VTI1A: variants seen among roughly 807,000 people sequenced by gnomAD.
The protein encoded by VTI1A is vesicle transport through interaction with t-SNAREs homolog 1A.
VTI1A carries 22 observed loss-of-function variants against 34.9 expected under a neutral mutation model. That is an observed-to-expected ratio of 0.63 (90% CI 0.45 to 0.90). VTI1A has a LOEUF of 0.90. VTI1A is among the 40% of genes least tolerant of loss of function. VTI1A has a pLI of 0.00. For missense variants in VTI1A, 268 were observed against 275.6 expected, an observed-to-expected ratio of 0.97 and a Z score of 0.20; for synonymous variants, 87 against 97.3, an observed-to-expected ratio of 0.89 and a Z score of 0.62.
intron 1 of VTI1A, among the ~76,000 whole-genome samples, chr10:112,453,113 G>C (rs1243148345): frequency 1.3e-5 from 2 of 152,148 alleles, no homozygotes; most frequent in African/African-American, 4.8e-5. Context: ...GTACTGGTCA[G>C]ATATTTTCTA....
the VTI1A span, among the ~76,000 whole-genome samples, chr10:112,841,130 C>T: frequency 6.6e-6 from 1 of 152,128 alleles, no homozygotes; most frequent in Non-Finnish European, 1.5e-5. Context: ...CTGGAGTCCT[C>T]AGCGCACTAG....
At chr10:112,560,032 A>C (rs1170807185) in intron 5 of VTI1A, among the ~76,000 whole-genome samples, 1 of 152,206 alleles carries the variant, frequency 6.6e-6, no homozygotes, top group African/African-American at 2.4e-5. Context: ...TGTCACTTGT[A>C]GTTCTAACTG....
At chr10:112,611,749 T>G (rs578115569) in intron 5 of VTI1A, among the ~76,000 whole-genome samples, 1 of 143,068 alleles carries the variant, frequency 7.0e-6, no homozygotes, top group South Asian at 2.3e-4. Context: ...TTTTTTTTTT[T>G]TTTTTTTTTT....
At chr10:112,535,708 G>A (rs866911202) in intron 4 of VTI1A, among the ~76,000 whole-genome samples, 17 of 152,168 alleles carry the variant, frequency 1.1e-4, no homozygotes, top group South Asian at 2.1e-4. Context: ...CTTTGAAAAG[G>A]GCTGAGAAGA....
the VTI1A span, among the ~76,000 whole-genome samples, chr10:112,828,531 A>G: frequency 0.84 from 126,855 of 151,270 alleles, 53,557 homozygotes; most frequent in African/African-American, 0.94. Context: ...TCAGCCTCCC[A>G]AGTAGCTGGG....
intron 7 of VTI1A, among the ~76,000 whole-genome samples, chr10:112,670,892 A>G (rs1386995320): frequency 2.0e-5 from 3 of 152,208 alleles, no homozygotes; most frequent in Admixed American, 2.0e-4. Context: ...ACCTGTTCAT[A>G]TGCATGACAA....
intron 3 of VTI1A, among the ~76,000 whole-genome samples, chr10:112,482,384 C>G (rs535975989): frequency 1.3e-5 from 2 of 152,152 alleles, no homozygotes; most frequent in South Asian, 4.1e-4. Flanking sequence ...TTCTATGTGT[C>G]TAGAAGTAGA....
At chr10:112,744,889 G>A (rs996222614) in intron 7 of VTI1A, among the ~76,000 whole-genome samples, 2 of 152,188 alleles carry the variant, frequency 1.3e-5, no homozygotes, top group African/African-American at 4.8e-5. Context: ...GAGATATCCA[G>A]GGGTAGAACA....
chr10:112,838,576 C>T, the VTI1A span, among the ~76,000 whole-genome samples: 10 of 152,036 alleles, frequency 6.6e-5, no homozygotes, highest in Non-Finnish European at 5.9e-5. Context: ...TAACATAGGG[C>T]AGGAAGGGAG....
chr10:112,550,634 T>A (rs1851314163), intron 5 of VTI1A, among the ~76,000 whole-genome samples: 1 of 152,182 alleles, frequency 6.6e-6, no homozygotes, highest in Non-Finnish European at 1.5e-5. Flanking sequence ...AATATGTTTT[T>A]CCAAGTAAAG....
chr10:112,692,330 C>T (rs1848641380), intron 7 of VTI1A, among the ~76,000 whole-genome samples: 1 of 152,210 alleles, frequency 6.6e-6, no homozygotes, highest in Admixed American at 6.5e-5. Context: ...ACTTGTTTCT[C>T]CTCATTCTTC....
chr10:112,572,576 C>T (rs1203350246), intron 5 of VTI1A, among the ~76,000 whole-genome samples: 7 of 152,168 alleles, frequency 4.6e-5, no homozygotes, highest in South Asian at 2.1e-4. Context: ...TGGTGGCTCA[C>T]GCCTGTAATC....
chr10:112,823,939 G>A, the VTI1A span: 52 of 152,422 alleles, frequency 3.4e-4, no homozygotes, highest in African/African-American at 1.2e-3. Context: ...ATGGGGAAAT[G>A]GGGGCTCAGA....
intron 7 of VTI1A, among the ~76,000 whole-genome samples, chr10:112,777,328 G>T (rs998042009): frequency 1.4e-4 from 21 of 152,176 alleles, no homozygotes; most frequent in African/African-American, 5.1e-4. Context: ...TGTGGTGGGG[G>T]TGGATTTCTT....
In VTI1A at chr10:112,784,728, A is replaced by G. The variant is rs560458480; in HGVS notation, c.561-30562A>G. Among the ~76,000 whole-genome samples the G allele has an allele frequency of 1.4e-4, 21 of 152,296 alleles. 1 individual carries two copies. In the South Asian group the frequency reaches 3.9e-3, roughly 29 times the overall value. On this transcript the variant is annotated intron_variant, in intron 7 of 7. Coordinates refer to ENST00000393077, the MANE Select transcript of VTI1A (RefSeq NM_145206.4). The stretch of plus-strand genomic sequence containing the variant: ...CCTCCCCTTCATCCCAGAGTGCCCA[A>G]TTCAAGTGAGGTTGGAGAAAAATAG...
At chr10:112,477,876 T>C (rs1037459195) in intron 3 of VTI1A, among the ~76,000 whole-genome samples, 2 of 152,204 alleles carry the variant, frequency 1.3e-5, no homozygotes, top group African/African-American at 4.8e-5. Flanking sequence ...TCTACAAACC[T>C]AGTCTACAAA....
chr10:112,588,921 T>C (rs1401973569), intron 5 of VTI1A, among the ~76,000 whole-genome samples: 1 of 152,120 alleles, frequency 6.6e-6, no homozygotes, highest in African/African-American at 2.4e-5. Context: ...CAGAACACAG[T>C]TCCTGGAAGG....
At position 112,593,647 on chromosome 10, in the gene VTI1A, A is replaced by AT. The variant is rs138758594; in HGVS notation, c.427+55323dup. Among the ~76,000 whole-genome samples the AT allele has an allele frequency of 7.2e-3, 1,091 of 152,318 alleles. 5 individuals carry two copies. Among genetic ancestry groups the AT allele is most frequent in the Admixed American group, 0.011 (165 of 15,302 alleles). ...CCATCAACCACCAACCAGTCTAAAC[A>AT]TTTTTTGGTAAATACCAGGCGTCAT... On this transcript the variant is annotated intron_variant, in intron 5 of 7. Coordinates refer to ENST00000393077, the MANE Select transcript of VTI1A (RefSeq NM_145206.4).
rs141486596 is a variant in VTI1A at position 112,790,739 on chromosome 10, G to A, written c.561-24551G>A. On this transcript the variant is annotated intron_variant, in intron 7 of 7. Transcript: ENST00000393077. Reference sequence around the variant, plus strand: ...CTTCTCAACTTGTTTTTTGCCTTTGGTCGTCATCCAGATCACTAAAAGACG... The same window carrying A: ...CTTCTCAACTTGTTTTTTGCCTTTGATCGTCATCCAGATCACTAAAAGACG... Among the ~76,000 whole-genome samples the A allele has an allele frequency of 6.7e-4, 100 of 150,016 alleles. 1 individual carries two copies. The highest frequency in any genetic ancestry group is 1.3e-3 in the Admixed American group (19 of 15,040).
Sources: allele counts gnomAD v4.1 joint callset (sites outside exome capture counted in the v4.1 genomes callset), GRCh38; gene constraint gnomAD v4.1.1; transcripts MANE v1.5; gene names NCBI Gene and HGNC (gene_info 2026-07-23, HGNC 2026-07-21).